NAALADL2: variants seen among roughly 807,000 people sequenced by gnomAD.
NAALADL2 encodes inactive N-acetylated-alpha-linked acidic dipeptidase-like protein 2.
In NAALADL2, 76 loss-of-function variants were observed where a neutral mutation model predicts 87.2. That is an observed-to-expected ratio of 0.87 (90% CI 0.72 to 1.05). The LOEUF (loss-of-function observed/expected upper bound fraction) is 1.05. NAALADL2 is among the 50% of genes least tolerant of loss of function. The pLI, the probability that NAALADL2 is intolerant of heterozygous loss-of-function variation, is 0.00. For missense variants in NAALADL2, 1,089 were observed against 945.8 expected (o/e 1.15, Z -1.99); for synonymous variants, 354 against 331.0 (o/e 1.07, Z -0.75).
At chr3:175,138,233 A>G (rs1486918370) in intron 2 of NAALADL2, among the ~76,000 whole-genome samples, 1 of 152,196 alleles carries the variant, frequency 6.6e-6, no homozygotes, top group Non-Finnish European at 1.5e-5. Flanking sequence ...CTATTCTAGA[A>G]GACTGAATAC....
chr3:175,100,856 A>AAAG (rs1204661615), intron 2 of NAALADL2, among the ~76,000 whole-genome samples: 41 of 151,436 alleles, frequency 2.7e-4, no homozygotes, highest in African/African-American at 9.0e-4. Flanking sequence ...AAAAAAAAAA[A>AAAG]AAAAATTGCA....
At chr3:174,491,805 T>G (rs2108351226) in intron 1 of NAALADL2, among the ~76,000 whole-genome samples, 1 of 152,290 alleles carries the variant, frequency 6.6e-6, no homozygotes, top group Non-Finnish European at 1.5e-5. Flanking sequence ...TTCCCAAAAC[T>G]TTTGTTTATT....
chr3:175,446,852 G>T (rs1386388103), intron 5 of NAALADL2, among the ~76,000 whole-genome samples: 1 of 152,056 alleles, frequency 6.6e-6, no homozygotes, highest in Non-Finnish European at 1.5e-5. Flanking sequence ...TCCCCCTCAG[G>T]TCTTACATCA....
intron 13 of NAALADL2, among the ~76,000 whole-genome samples, chr3:175,772,297 T>A (rs1266041747): frequency 1.3e-5 from 2 of 152,068 alleles, no homozygotes; most frequent in Non-Finnish European, 2.9e-5. Context: ...CCCAACCTTG[T>A]ATACCATCTT....
chr3:175,363,946 T>G (rs2148918371), intron 5 of NAALADL2, among the ~76,000 whole-genome samples: 1 of 148,314 alleles, frequency 6.7e-6, no homozygotes, highest in African/African-American at 2.4e-5. Context: ...GAAAACAGAT[T>G]TGACATTCGA....
intron 1 of NAALADL2, among the ~76,000 whole-genome samples, chr3:174,445,521 A>G (rs1714989623): frequency 6.6e-6 from 1 of 152,132 alleles, no homozygotes; most frequent in African/African-American, 2.4e-5. Context: ...TTTTGATTGT[A>G]TAGTTTTTTA....
At chr3:175,521,559 A>C (rs923121864) in intron 9 of NAALADL2, among the ~76,000 whole-genome samples, 1 of 152,160 alleles carries the variant, frequency 6.6e-6, no homozygotes, top group African/African-American at 2.4e-5. Context: ...ATTTGGAAAT[A>C]GTCTTTGCAG....
chr3:175,229,663 C>G (rs1349813925), intron 2 of NAALADL2, among the ~76,000 whole-genome samples: 1 of 150,878 alleles, frequency 6.6e-6, no homozygotes, highest in Non-Finnish European at 1.5e-5. Context: ...TCCCAAAGAC[C>G]CCAACACTTA....
chr3:175,706,971 T>A (rs1038984776), intron 11 of NAALADL2, among the ~76,000 whole-genome samples: 5 of 152,152 alleles, frequency 3.3e-5, no homozygotes, highest in Admixed American at 3.3e-4. Context: ...CTTGACTATA[T>A]GTATATAATG....
intron 5 of NAALADL2, among the ~76,000 whole-genome samples, chr3:175,396,792 A>G (rs1317203312): frequency 6.6e-6 from 1 of 152,050 alleles, no homozygotes; most frequent in Admixed American, 6.6e-5. Context: ...TGGTTTTATA[A>G]GGAGCTTCCC....
intron 3 of NAALADL2, among the ~76,000 whole-genome samples, chr3:174,824,748 G>C (rs1471518727): frequency 6.6e-6 from 1 of 152,174 alleles, no homozygotes; most frequent in African/African-American, 2.4e-5. Context: ...TGGAAGAGCT[G>C]ACATTCATTA....
At chr3:175,026,715 A>C (rs1485062997) in intron 1 of NAALADL2, among the ~76,000 whole-genome samples, 1 of 151,986 alleles carries the variant, frequency 6.6e-6, no homozygotes, top group Non-Finnish European at 1.5e-5. Flanking sequence ...CTACAGATGA[A>C]AAAATATCTC....
intron 2 of NAALADL2, among the ~76,000 whole-genome samples, chr3:175,203,599 C>T (rs551390346): frequency 1.2e-4 from 16 of 131,030 alleles, no homozygotes; most frequent in East Asian, 6.3e-4. Flanking sequence ...AAATTCACAG[C>T]GCAAGTCTCC....
intron 2 of NAALADL2, among the ~76,000 whole-genome samples, chr3:175,135,528 C>T (rs750514013): frequency 1.3e-5 from 2 of 151,890 alleles, no homozygotes; most frequent in Admixed American, 6.6e-5. Flanking sequence ...TTTTAATAAA[C>T]ACCACCAAGT....
At chr3:175,331,419 C>T (rs1478754277) in intron 5 of NAALADL2, among the ~76,000 whole-genome samples, 1 of 152,070 alleles carries the variant, frequency 6.6e-6, no homozygotes, top group Non-Finnish European at 1.5e-5. Flanking sequence ...ACTAGCAAAC[C>T]AAATTCAACA....
chr3:175,242,351 T>C (rs893756425), intron 3 of NAALADL2: 3 of 152,212 alleles, frequency 2.0e-5, no homozygotes, highest in Non-Finnish European at 4.4e-5. Context: ...AATGCCTGTA[T>C]TTAAGTATTT....
chr3:175,710,659 AATAT>A (rs1740406311), intron 11 of NAALADL2, among the ~76,000 whole-genome samples: 1 of 151,660 alleles, frequency 6.6e-6, no homozygotes, highest in Non-Finnish European at 1.5e-5. Flanking sequence ...GGTATGGAAG[AATAT>A]ATATGTCTAT....
chr3:175,352,203 G>A (rs1467461740), intron 5 of NAALADL2, among the ~76,000 whole-genome samples: 3 of 151,878 alleles, frequency 2.0e-5, no homozygotes, highest in Non-Finnish European at 4.4e-5. Context: ...CTAGGACATG[G>A]GACCAAGCTG....
intron 5 of NAALADL2, among the ~76,000 whole-genome samples, chr3:175,440,143 G>A (rs1406553764): frequency 6.6e-6 from 1 of 152,094 alleles, no homozygotes; most frequent in Non-Finnish European, 1.5e-5. Context: ...TGAATACGGT[G>A]CCCTTCCCCA....
Sources: gnomAD v4.1 joint callset for allele counts (sites outside exome capture counted in the v4.1 genomes callset) on GRCh38, gnomAD v4.1.1 for gene constraint, MANE v1.5 for transcripts, NCBI Gene and HGNC (gene_info 2026-07-23, HGNC 2026-07-21) for gene names.